ZBTB44: variants seen among roughly 807,000 people sequenced by gnomAD.
The protein encoded by ZBTB44 is zinc finger and BTB domain containing 44, also known as zinc finger and BTB domain-containing protein 44.
In ZBTB44, 15 loss-of-function variants were observed where a neutral mutation model predicts 54.0. That is an observed-to-expected ratio of 0.28 (90% confidence interval 0.19 to 0.43). The LOEUF is 0.43. Ranked by LOEUF, ZBTB44 falls within the 20% of genes least tolerant of loss-of-function variation. The probability of loss-of-function intolerance (pLI) is 1.00; values close to 1 mark genes in which losing one functional copy is unlikely to be tolerated. For missense variants in ZBTB44, 487 were observed against 707.1 expected, an observed-to-expected ratio of 0.69 and a Z score of 3.53; for synonymous variants, 230 against 250.1, an observed-to-expected ratio of 0.92 and a Z score of 0.76.
chr11:130,306,036 C>A (rs1036389721), intron 1 of ZBTB44, among the ~76,000 whole-genome samples: 1 of 152,060 alleles, frequency 6.6e-6, no homozygotes, highest in Admixed American at 6.6e-5. Flanking sequence ...CAGGGAAATG[C>A]AAATTAAAAC....
At chr11:130,304,084 G>A (rs1942139527) in intron 1 of ZBTB44, among the ~76,000 whole-genome samples, 1 of 152,018 alleles carries the variant, frequency 6.6e-6, no homozygotes. Context: ...AATTTTTAAA[G>A]GCACACATAC....
intron 2 of ZBTB44, among the ~76,000 whole-genome samples, chr11:130,260,283 TTC>T (rs1269817674): frequency 6.6e-6 from 1 of 152,196 alleles, no homozygotes; most frequent in African/African-American, 2.4e-5. Flanking sequence ...TGCATATATG[TTC>T]TGTGTTTTTA....
At chr11:130,242,541 T>C (rs1023703784) in intron 2 of ZBTB44, among the ~76,000 whole-genome samples, 5 of 89,968 alleles carry the variant, frequency 5.6e-5, no homozygotes, top group Admixed American at 1.4e-4. Context: ...TGAAAACATA[T>C]TTATTTTCAA....
chr11:130,300,731 A>G (rs1368115353), intron 1 of ZBTB44, among the ~76,000 whole-genome samples: 2 of 152,230 alleles, frequency 1.3e-5, no homozygotes, highest in African/African-American at 4.8e-5. Flanking sequence ...ATTTAGCCAC[A>G]GAGGAATCAC....
chr11:130,263,055 C>T (rs568022210), intron 1 of ZBTB44, among the ~76,000 whole-genome samples: 4 of 152,210 alleles, frequency 2.6e-5, no homozygotes, highest in Non-Finnish European at 4.4e-5. Flanking sequence ...AGTAAGACCC[C>T]GTCTAAAAAA....
rs533873607 is a variant in ZBTB44 at position 130,227,459 on chromosome 11, C to T, written c.*4305G>A. The T allele has an allele frequency of 1.3e-5, 2 of 152,204 alleles. No homozygotes were observed. The highest frequency in any genetic ancestry group is 4.8e-5 in the African/African-American group (2 of 41,466). The allele number at this position is 152,204 out of a possible 1,614,324, so 9.4% of individuals were successfully genotyped here. ...CATTTTCTCCCCTGCATCACCTTCC[C>T]TTGAGAGTTTCACAAAATGCCAGTG... On this transcript the variant is annotated 3_prime_UTR_variant, in exon 8 of 8. Transcript: ENST00000357899.
At chr11:130,252,271 T>C (rs967354163) in intron 2 of ZBTB44, among the ~76,000 whole-genome samples, 1 of 152,186 alleles carries the variant, frequency 6.6e-6, no homozygotes, top group Non-Finnish European at 1.5e-5. Context: ...CCCAGATTCA[T>C]AAAACAAGTT....
In ZBTB44 at chr11:130,238,591, A is replaced by G. The variant is rs754248843; in HGVS notation, c.1120T>C (p.Tyr374His). ...GGAGCAATGTAGAGTTGGTAGGGAT[A>G]CTGAACATTTTCCAATCTAAAAAAA... ...DDDDRLENVQ[Y>H]PYQLYIAPST... Residue 374 changes from tyrosine to histidine, a missense_variant, in exon 4 of 8, where the codon TAT (tyrosine) becomes CAT (histidine). Physicochemically the swap from Tyr to His is moderately conservative, Grantham distance 83. Coordinates refer to ENST00000357899, the MANE Select transcript of ZBTB44 (RefSeq NM_001301098.2). 3.8e-5 allele frequency: 62 copies of G among 1,610,748 alleles called. 1 individual carries two copies. The highest frequency in any genetic ancestry group is 2.2e-4 in the Admixed American group (13 of 59,232).
chr11:130,248,778 G>A (rs535271859), intron 2 of ZBTB44, among the ~76,000 whole-genome samples: 1 of 152,170 alleles, frequency 6.6e-6, no homozygotes, highest in East Asian at 1.9e-4. Context: ...TTATATAACT[G>A]AAAGATTTGT....
chr11:130,295,552 GC>G, intron 1 of ZBTB44: 1 of 701,718 alleles, frequency 1.4e-6, no homozygotes, highest in Non-Finnish European at 2.6e-6. Flanking sequence ...TGCCCAGCCT[GC>G]CCCTGGGACT....
Position 130,231,513 on chromosome 11 carries a change from A to G in ZBTB44, c.*251T>C, listed in dbSNP as rs572315322. 2.0e-5 allele frequency: 3 copies of G among 152,176 alleles called. No individual in the cohort carries two copies. Among genetic ancestry groups the G allele is most frequent in the Non-Finnish European group, 4.4e-5 (3 of 68,010 alleles). The allele number at this position is 152,176 out of a possible 1,614,324, so 9.4% of individuals were successfully genotyped here. A position where few individuals can be genotyped will look rare whatever the true frequency, so the allele number is the denominator to read the frequency against. ...AATACCCAGTGATGGGTAATCCCTCATTCTGAGAACACAGTCAGAATATCT... is the reference window on the plus strand; with the variant it reads ...AATACCCAGTGATGGGTAATCCCTCGTTCTGAGAACACAGTCAGAATATCT... On this transcript the variant is annotated 3_prime_UTR_variant, in exon 8 of 8. Coordinates refer to ENST00000357899, the MANE Select transcript of ZBTB44 (RefSeq NM_001301098.2).
At chr11:130,237,168 C>T in intron 4 of ZBTB44, 75 bp from the exon 5 acceptor site, 1 of 1,336,774 alleles carries the variant, frequency 7.5e-7, no homozygotes, top group Non-Finnish European at 9.7e-7. Context: ...AATTTCTGAA[C>T]TATATTTCTG....
intron 1 of ZBTB44, chr11:130,295,697 A>G: frequency 6.6e-7 from 1 of 1,509,068 alleles, no homozygotes; most frequent in African/African-American, 1.4e-5. Context: ...CACTTCTGGA[A>G]GGCAGGGATC....
chr11:130,290,745 T>C (rs1047966452), intron 1 of ZBTB44, among the ~76,000 whole-genome samples: 2 of 152,230 alleles, frequency 1.3e-5, no homozygotes, highest in African/African-American at 2.4e-5. Flanking sequence ...ATGGACTGAT[T>C]TAAATACATA....
rs1394867792 is a variant in ZBTB44 at position 130,228,953 on chromosome 11, TAA to T, written c.*2809_*2810del. 6.6e-6 allele frequency: 1 copy of T among 152,200 alleles called. No individual in the cohort carries two copies. Among genetic ancestry groups the T allele is most frequent in the African/African-American group, 2.4e-5 (1 of 41,442 alleles). 9.4% of individuals were successfully genotyped at this position (152,200 alleles called of 1,614,324 possible). On this transcript the variant is annotated 3_prime_UTR_variant, in exon 8 of 8. Transcript: ENST00000357899. ...TACTTTGAACAAAAACTAAAAATTT[TAA>T]AGTTAAAAAAAGTTTTGTTTTTAAT...
intron 1 of ZBTB44, among the ~76,000 whole-genome samples, chr11:130,281,516 AAAAT>A (rs58860118): frequency 0.051 from 7,136 of 138,756 alleles, 220 homozygotes; most frequent in South Asian, 0.071. Context: ...ACCCTGTCTC[AAAAT>A]AAATAAATAA....
chr11:130,276,242 A>AAAAAAAAAAAAAGAAAAGAAAAAAG (rs59112840), intron 1 of ZBTB44, among the ~76,000 whole-genome samples: 2 of 94,420 alleles, frequency 2.1e-5, no homozygotes, highest in African/African-American at 7.3e-5. Context: ...CAAAAAAAAA[A>AAAAAAAAAAAAAGAAAAGAAAAAAG]AAAAGAAAAA....
intron 1 of ZBTB44, among the ~76,000 whole-genome samples, chr11:130,279,456 C>T (rs1256776951): frequency 6.6e-6 from 1 of 151,990 alleles, no homozygotes; most frequent in Non-Finnish European, 1.5e-5. Flanking sequence ...GCCAGGAGTT[C>T]GAGACCAGCC....
chr11:130,296,160 T>G (rs1322279624), intron 1 of ZBTB44: 1 of 1,418,252 alleles, frequency 7.1e-7, no homozygotes, highest in African/African-American at 1.5e-5. Context: ...CTCGAAAAGT[T>G]TTGAAGGTTG....
Sources: allele counts gnomAD v4.1 joint callset (sites outside exome capture counted in the v4.1 genomes callset), GRCh38; gene constraint gnomAD v4.1.1; transcripts MANE v1.5; gene names NCBI Gene and HGNC (gene_info 2026-07-23, HGNC 2026-07-21).